MROH2B: variants seen among roughly 807,000 people sequenced by gnomAD.
MROH2B encodes maestro heat like repeat family member 2B, also known as maestro heat-like repeat-containing protein family member 2B.
A neutral mutation model predicts 208.6 loss-of-function variants in MROH2B; 177 were observed. The observed-to-expected ratio is 0.85, with a 90% CI of 0.75 to 0.96. The LOEUF (loss-of-function observed/expected upper bound fraction) is 0.96, where lower values mean the gene tolerates loss of function less well. Ranked by LOEUF, MROH2B falls within the 40% of genes least tolerant of loss-of-function variation. The pLI, the probability that MROH2B is intolerant of heterozygous loss-of-function variation, is 0.00. For synonymous variants in MROH2B, 728 were observed against 659.0 expected (o/e 1.10, Z -1.60); for missense variants, 2,002 against 1,878.7 (o/e 1.07, Z -1.21).
intron 13 of MROH2B, 39 bp downstream of exon 13, chr5:41,050,938 G>C: frequency 7.5e-7 from 1 of 1,341,044 alleles, no homozygotes; most frequent in Non-Finnish European, 1.0e-6. Context: ...TTAAGAAGGT[G>C]ATCAAAGTAA....
At chr5:41,057,933 C>T in intron 7 of MROH2B, 130 bp downstream of exon 7, 3 of 809,388 alleles carry the variant, frequency 3.7e-6, no homozygotes, top group Middle Eastern at 4.1e-4. Context: ...CCTCATATTC[C>T]TCAAGAGATA....
intron 7 of MROH2B, 29 bp downstream of exon 7, chr5:41,058,034 A>G: frequency 6.8e-7 from 1 of 1,475,142 alleles, no homozygotes; most frequent in Non-Finnish European, 9.0e-7. Context: ...GGGTTCTCTG[A>G]TTCAGTTCCT....
At position 41,071,024 on chromosome 5, in the gene MROH2B, A is replaced by T; in HGVS notation, c.-172T>A. The T allele has an allele frequency of 3.2e-6, 2 of 619,084 alleles. No individual in the cohort carries two copies. Among genetic ancestry groups the T allele is most frequent in the Non-Finnish European group, 5.7e-6 (2 of 352,442 alleles). 38.3% of individuals were successfully genotyped at this position (619,084 alleles called of 1,614,324 possible). A position where few individuals can be genotyped will look rare whatever the true frequency, so the allele number is the denominator to read the frequency against. On this transcript the variant is annotated 5_prime_UTR_variant, in exon 1 of 42. Transcript: ENST00000399564. ...CACAATGGTCTGGGAGCTTCCAGAG[A>T]TGGGCTTGCTGTTGAAGTTGATACT...
intron 21 of MROH2B, among the ~76,000 whole-genome samples, chr5:41,037,893 G>GA (rs769232486): frequency 6.6e-6 from 1 of 152,134 alleles, no homozygotes; most frequent in Admixed American, 6.6e-5. Context: ...GGCCAGCCTG[G>GA]TATTTGTCAG....
Position 41,070,938 on chromosome 5 carries a change from G to A in MROH2B, c.-86C>T. The A allele has an allele frequency of 7.3e-7, 1 of 1,369,938 alleles. No individual in the cohort carries two copies. Among genetic ancestry groups the A allele is most frequent in the Non-Finnish European group, 1.0e-6 (1 of 978,544 alleles). The allele number at this position is 1,369,938 out of a possible 1,614,324, so 84.9% of individuals were successfully genotyped here. A position where few individuals can be genotyped will look rare whatever the true frequency, so the allele number is the denominator to read the frequency against. On this transcript the variant is annotated 5_prime_UTR_variant, in exon 1 of 42. Coordinates refer to ENST00000399564, the MANE Select transcript of MROH2B (RefSeq NM_173489.5). ...AAAAATCAAAGAGGCAGGTTGGCAAGTTTCTCATATAAGGTTCACATAAGC... is the reference window on the plus strand; with the variant it reads ...AAAAATCAAAGAGGCAGGTTGGCAAATTTCTCATATAAGGTTCACATAAGC...
intron 22 of MROH2B, 150 bp from the exon 23 acceptor site, chr5:41,033,310 T>C: frequency 8.6e-7 from 1 of 1,168,078 alleles, no homozygotes. Context: ...GGGTCTAAGT[T>C]GCAGGGAAAG....
chr5:41,033,227 G>A, intron 22 of MROH2B, 67 bp from the exon 23 acceptor site: 2 of 1,574,550 alleles, frequency 1.3e-6, no homozygotes, highest in South Asian at 1.1e-5. Flanking sequence ...ATTAACATGT[G>A]ACCTAGCTTT....
At chr5:41,037,520 A>T (rs1365620551) in intron 21 of MROH2B, among the ~76,000 whole-genome samples, 1 of 152,182 alleles carries the variant, frequency 6.6e-6, no homozygotes, top group Non-Finnish European at 1.5e-5. Context: ...TGTGAGGATG[A>T]GTACCCTATA....
At position 41,057,347 on chromosome 5, in the gene MROH2B, A is replaced by T; in HGVS notation, c.770T>A (p.Ile257Lys). 1.9e-6 allele frequency: 3 copies of T among 1,575,692 alleles called. No individual in the cohort carries two copies. Among genetic ancestry groups the T allele is most frequent in the Non-Finnish European group, 2.6e-6 (3 of 1,159,490 alleles). ...DFHVTQSLKQ[I>K]LTAAVLYDIG... Reference sequence around the variant, plus strand: ...GTCATAAAGAACTGCTGCAGTCAGTATTTGTTTTAGGCTCTAAAGTGGAAA... The same window carrying T: ...GTCATAAAGAACTGCTGCAGTCAGTTTTTGTTTTAGGCTCTAAAGTGGAAA... The change falls in exon 8 of 42, where the codon ATA becomes AAA. Residue 257 changes from isoleucine to lysine, a missense_variant. Coordinates refer to ENST00000399564, the MANE Select transcript of MROH2B (RefSeq NM_173489.5).
At position 41,019,031 on chromosome 5, in the gene MROH2B, C is replaced by G; in HGVS notation, c.2442-13G>C. ...AGGTTTCAGTTTACTGAAATGAGAA[C>G]CAGGTGGAGGAATGGATATTACAGT... On this transcript the variant is annotated splice_polypyrimidine_tract_variant and intron_variant, in intron 24 of 41. Coordinates refer to ENST00000399564, the MANE Select transcript of MROH2B (RefSeq NM_173489.5). 1 of 1,613,596 alleles carries G rather than the reference C, an allele frequency of 6.2e-7. No individual in the cohort carries two copies. The highest frequency in any genetic ancestry group is 1.1e-5 in the South Asian group (1 of 91,042).
At position 41,033,054 on chromosome 5, in the gene MROH2B, A is replaced by G; in HGVS notation, c.2348T>C (p.Ile783Thr). The G allele has an allele frequency of 6.2e-7, 1 of 1,612,982 alleles. No homozygotes were observed. The highest frequency in any genetic ancestry group is 8.5e-7 in the Non-Finnish European group (1 of 1,179,232). ...CTGCACACTCACCAGCATGTAACCA[A>G]TCAGCATCTCCTTGTAGGAAAACTG... ...GFQFSYKEML[I>T]GYMLDFIRDE... Residue 783 changes from isoleucine to threonine, a missense_variant, in exon 23 of 42, where the codon ATT becomes ACT. Coordinates refer to ENST00000399564, the MANE Select transcript of MROH2B (RefSeq NM_173489.5).
At chr5:40,998,794 C>T in intron 40 of MROH2B, 117 bp from the exon 41 acceptor site, 1 of 790,786 alleles carries the variant, frequency 1.3e-6, no homozygotes, top group East Asian at 2.7e-5. Flanking sequence ...GGTGAATGAG[C>T]AAACTATATG....
intron 24 of MROH2B, among the ~76,000 whole-genome samples, chr5:41,021,909 C>T (rs1742162804): frequency 6.6e-6 from 1 of 151,932 alleles, no homozygotes; most frequent in African/African-American, 2.4e-5. Context: ...ACATATAAGC[C>T]CATGGAATAG....
chr5:41,055,999 C>A (rs536915282), intron 9 of MROH2B, 144 bp from the exon 10 acceptor site: 1 of 637,152 alleles, frequency 1.6e-6, no homozygotes, highest in Non-Finnish European at 2.8e-6. Context: ...CATGCTTCTT[C>A]AGTATCACAG....
chr5:41,015,293 A>G (rs771787200), intron 29 of MROH2B, 88 bp downstream of exon 29: 3 of 1,165,696 alleles, frequency 2.6e-6, no homozygotes, highest in Non-Finnish European at 3.7e-6. Context: ...TTGAATATCT[A>G]TCTTCTTTGC....
At chr5:41,044,249 CA>C (rs35282921) in intron 18 of MROH2B, among the ~76,000 whole-genome samples, 59,300 of 128,902 alleles carry the variant, frequency 0.46, 12,975 homozygotes, top group Non-Finnish European at 0.51. Flanking sequence ...GACTCCATCT[CA>C]AAAAAAAAAA....
rs920546680 is a variant in MROH2B, at chr5:41,069,640, T to A, written c.90+51A>T. 5.1e-6 allele frequency: 7 copies of A among 1,383,492 alleles called. No homozygotes were observed. The African/African-American group carries it at 8.6e-5, about 17-fold the overall frequency. The allele number at this position is 1,383,492 out of a possible 1,614,324, so 85.7% of individuals were successfully genotyped here. On this transcript the variant is annotated intron_variant, in intron 2 of 41. Transcript: ENST00000399564. Reference sequence around the variant, plus strand: ...ACAAAGAAAAATATATACGAAATGTTGCAACAAGAAGACTGAAAAAGGGAA... The same window carrying A: ...ACAAAGAAAAATATATACGAAATGTAGCAACAAGAAGACTGAAAAAGGGAA...
rs774059836 is a variant in MROH2B at position 41,057,130 on chromosome 5, A to T, written c.898T>A (p.Ser300Thr). 70 of 1,613,880 alleles carry T rather than the reference A, an allele frequency of 4.3e-5. No individual in the cohort carries two copies. The highest frequency in any genetic ancestry group is 5.8e-5 in the Non-Finnish European group (68 of 1,179,880). Reference sequence around the variant, plus strand: ...CTACCTAGAATGAGAAAACAGCTTGAAGCTTTCATTTCATTTTCCTTTACT... The same window carrying T: ...CTACCTAGAATGAGAAAACAGCTTGTAGCTTTCATTTCATTTTCCTTTACT... The part of the protein sequence containing the change: ...PPVKENEMKA[S>T]SCFLILAHSN... The change falls in exon 9 of 42, where the codon TCA (serine) becomes ACA (threonine). Residue 300 changes from serine (S) to threonine (T), a missense_variant. Transcript: ENST00000399564.
intron 6 of MROH2B, among the ~76,000 whole-genome samples, chr5:41,060,013 A>C (rs1482081528): frequency 6.6e-6 from 1 of 152,208 alleles, no homozygotes; most frequent in South Asian, 2.1e-4. Context: ...AAATGTCTAC[A>C]TCAAACCCAT....
Sources: gnomAD v4.1 joint callset for allele counts (sites outside exome capture counted in the v4.1 genomes callset) on GRCh38, gnomAD v4.1.1 for gene constraint, MANE v1.5 for transcripts, NCBI Gene and HGNC (gene_info 2026-07-23, HGNC 2026-07-21) for gene names.